The following CSNK1G3 variants were observed in gnomAD, a reference collection of about 807,000 sequenced individuals.
CSNK1G3 encodes the protein casein kinase I isoform gamma-3.
In CSNK1G3, 23 loss-of-function variants were observed where a neutral mutation model predicts 64.3. The ratio of observed to expected loss-of-function variants is 0.36; its 90% CI spans 0.26 to 0.51. CSNK1G3 has a LOEUF of 0.51. Ranked by LOEUF, CSNK1G3 falls within the 20% of genes least tolerant of loss-of-function variation. The pLI, the probability that CSNK1G3 is intolerant of heterozygous loss-of-function variation, is 0.96. For missense variants in CSNK1G3, 357 were observed against 510.5 expected, an observed-to-expected ratio of 0.70 and a Z score of 2.90; for synonymous variants, 158 against 162.2, an observed-to-expected ratio of 0.97 and a Z score of 0.20.
intron 2 of CSNK1G3, among the ~76,000 whole-genome samples, chr5:123,550,361 G>A (rs1783395626): frequency 6.6e-6 from 1 of 152,170 alleles, no homozygotes; most frequent in Admixed American, 6.6e-5. Context: ...AAAAGGGGCA[G>A]GAGCATATAC....
rs151164461 is a variant in CSNK1G3, at chr5:123,554,951, A to G, written c.219+1804A>G. ...TGGTGATCCTTAGGTCCTGTTATTT[A>G]TAGATTTGGAACTTGTTCATACCAT... On this transcript the variant is annotated intron_variant, in intron 3 of 12. Transcript: ENST00000345990. 2.6e-5 allele frequency among the ~76,000 whole-genome samples: 4 copies of G among 152,296 alleles called. No individual in the cohort carries two copies. The East Asian group carries it at 7.7e-4, about 29-fold the overall frequency.
chr5:123,568,988 A>G (rs1787527037), intron 4 of CSNK1G3, among the ~76,000 whole-genome samples: 1 of 152,244 alleles, frequency 6.6e-6, no homozygotes, highest in African/African-American at 2.4e-5. Context: ...AATGTATTCC[A>G]GTATCAAACA....
chr5:123,520,127 A>G (rs1469164068), intron 1 of CSNK1G3, among the ~76,000 whole-genome samples: 1 of 152,198 alleles, frequency 6.6e-6, no homozygotes, highest in Non-Finnish European at 1.5e-5. Context: ...GAATAATCTT[A>G]AACCTAGCCT....
intron 6 of CSNK1G3, among the ~76,000 whole-genome samples, chr5:123,584,349 A>AT (rs753942282): frequency 6.6e-6 from 1 of 152,082 alleles, no homozygotes; most frequent in Non-Finnish European, 1.5e-5. Flanking sequence ...GTTTGCTGAG[A>AT]TTTTTTTAAA....
intron 4 of CSNK1G3, 99 bp from the exon 5 acceptor site, chr5:123,573,294 A>T: frequency 1.6e-6 from 2 of 1,258,818 alleles, no homozygotes; most frequent in Non-Finnish European, 2.3e-6. Flanking sequence ...GTACTGCTTT[A>T]GTTCTTGAAA....
intron 1 of CSNK1G3, among the ~76,000 whole-genome samples, chr5:123,536,813 A>T (rs149117661): frequency 2.6e-5 from 4 of 152,260 alleles, no homozygotes; most frequent in African/African-American, 9.6e-5. Context: ...AGATACACAC[A>T]TGGCCAATGG....
chr5:123,584,025 T>C (rs969032206), intron 6 of CSNK1G3, among the ~76,000 whole-genome samples: 1 of 152,160 alleles, frequency 6.6e-6, no homozygotes, highest in Non-Finnish European at 1.5e-5. Flanking sequence ...CCTTATATCT[T>C]GTAACCTTGC....
intron 12 of CSNK1G3, among the ~76,000 whole-genome samples, chr5:123,613,726 A>G (rs1748946658): frequency 6.6e-6 from 1 of 152,134 alleles, no homozygotes; most frequent in Non-Finnish European, 1.5e-5. Flanking sequence ...TTGCATATAC[A>G]GTTTTGACTT....
chr5:123,552,915 C>G (rs1228721392), intron 2 of CSNK1G3, 192 bp from the exon 3 acceptor site: 3 of 355,378 alleles, frequency 8.4e-6, no homozygotes, highest in East Asian at 4.7e-5. Flanking sequence ...TACTCTGAAT[C>G]TAGGTGAAAT....
chr5:123,531,026 A>G (rs1308798047), intron 1 of CSNK1G3, among the ~76,000 whole-genome samples: 1 of 152,122 alleles, frequency 6.6e-6, no homozygotes. Flanking sequence ...GAAGACATGT[A>G]TTGTAATATA....
intron 7 of CSNK1G3, 79 bp from the exon 8 acceptor site, chr5:123,588,348 A>C: frequency 8.0e-7 from 1 of 1,243,596 alleles, no homozygotes; most frequent in African/African-American, 1.5e-5. Context: ...AAGCTCTGTG[A>C]TTACAGGCTA....
rs572076601 is a variant in CSNK1G3 at position 123,593,833 on chromosome 5, T to G, written c.1086+2419T>G. Among the ~76,000 whole-genome samples, 42 of 152,232 alleles carry G rather than the reference T, an allele frequency of 2.8e-4. No individual in the cohort carries two copies. The South Asian group carries it at 4.4e-3, about 16-fold the overall frequency. On this transcript the variant is annotated intron_variant, in intron 10 of 12. Coordinates refer to ENST00000345990, the Ensembl canonical transcript of CSNK1G3. ...ATGTATTCATGTGTCTACTTGAATT[T>G]TACATCTCTCCCCTTAAGGTTGTTC...
chr5:123,593,185 G>A (rs902932761), intron 10 of CSNK1G3, among the ~76,000 whole-genome samples: 10 of 126,780 alleles, frequency 7.9e-5, no homozygotes, highest in Admixed American at 5.0e-4. Context: ...AATGTAGGGT[G>A]GGTGTGTGTG....
chr5:123,520,110 A>G (rs999149695), intron 1 of CSNK1G3, among the ~76,000 whole-genome samples: 1 of 152,214 alleles, frequency 6.6e-6, no homozygotes, highest in Non-Finnish European at 1.5e-5. Flanking sequence ...GCAGACACAC[A>G]CACATGGAAT....
chr5:123,542,797 T>C (rs1282518875), intron 1 of CSNK1G3, among the ~76,000 whole-genome samples: 1 of 151,934 alleles, frequency 6.6e-6, no homozygotes, highest in Non-Finnish European at 1.5e-5. Context: ...CTCTCTGCTT[T>C]CAAGATTTTT....
exon 13 of CSNK1G3, chr5:123,615,418 C>T (rs968877400): frequency 6.6e-6 from 1 of 152,516 alleles, no homozygotes; most frequent in Non-Finnish European, 1.5e-5. Flanking sequence ...AAAAGACCCC[C>T]AGCAATAAAA....
intron 12 of CSNK1G3, among the ~76,000 whole-genome samples, chr5:123,606,424 A>G (rs1795374485): frequency 6.6e-6 from 1 of 152,180 alleles, no homozygotes; most frequent in Non-Finnish European, 1.5e-5. Flanking sequence ...TCGACTGCAC[A>G]TGTCCTTTGC....
At chr5:123,575,855 G>T (rs1222296908) in exon 6 of CSNK1G3, 4 of 1,613,544 alleles carry the variant, frequency 2.5e-6, no homozygotes, top group Non-Finnish European at 3.4e-6. Flanking sequence ...TTTTGGTTTG[G>T]CAAAGGAATA....
At chr5:123,586,127 A>G (rs1308830071) in intron 6 of CSNK1G3, among the ~76,000 whole-genome samples, 1 of 152,246 alleles carries the variant, frequency 6.6e-6, no homozygotes, top group African/African-American at 2.4e-5. Context: ...ACGTAACAAC[A>G]TGGATAAATC....
Sources: gnomAD v4.1 joint callset for allele counts (sites outside exome capture counted in the v4.1 genomes callset) on GRCh38, gnomAD v4.1.1 for gene constraint, MANE v1.5 for transcripts, NCBI Gene and HGNC (gene_info 2026-07-23, HGNC 2026-07-21) for gene names.